ARHGEF10L: variants seen among roughly 807,000 people sequenced by gnomAD.
ARHGEF10L encodes Rho guanine nucleotide exchange factor 10 like.
In ARHGEF10L, 69 loss-of-function variants were observed where a neutral mutation model predicts 141.2. That is an observed-to-expected ratio of 0.49 (90% CI 0.40 to 0.60). The LOEUF (loss-of-function observed/expected upper bound fraction) is 0.60. Among genes scored for constraint, ARHGEF10L ranks in the 20% least tolerant of loss-of-function variants. The pLI is 0.00. For missense variants in ARHGEF10L, 1,482 were observed against 1,734.3 expected (o/e 0.85, Z 2.58); for synonymous variants, 711 against 718.5 (o/e 0.99, Z 0.17).
At chr1:17,666,790 C>A (rs1463064036) in intron 26 of ARHGEF10L, among the ~76,000 whole-genome samples, 88 of 142,902 alleles carry the variant, frequency 6.2e-4, no homozygotes, top group African/African-American at 2.1e-3. Context: ...TCCTGCTCTA[C>A]CCCAAGCCCA....
At position 17,601,981 on chromosome 1, in the gene ARHGEF10L, T is replaced by G. The variant is rs1204981501; in HGVS notation, c.258-146T>G. Reference sequence around the variant, plus strand: ...AAGATGAGGAGCCTGGGGGCTTGTCTGAGGCCAACTCCACCTCAGGTCTCC... The same window carrying G: ...AAGATGAGGAGCCTGGGGGCTTGTCGGAGGCCAACTCCACCTCAGGTCTCC... On this transcript the variant is annotated intron_variant, in intron 4 of 28. Coordinates refer to ENST00000361221, the MANE Select transcript of ARHGEF10L (RefSeq NM_018125.4). 4.5e-6 allele frequency: 3 copies of G among 668,910 alleles called. No individual in the cohort carries two copies. In the Admixed American group the frequency reaches 9.3e-5, roughly 21 times the overall value. 41.4% of individuals were successfully genotyped at this position (668,910 alleles called of 1,614,324 possible). A position where few individuals can be genotyped will look rare whatever the true frequency, so the allele number is the denominator to read the frequency against.
intron 4 of ARHGEF10L, among the ~76,000 whole-genome samples, chr1:17,599,212 T>C (rs1448798401): frequency 6.6e-6 from 1 of 152,026 alleles, no homozygotes; most frequent in Non-Finnish European, 1.5e-5. Context: ...GGCGCGTGCC[T>C]GTAGTCCCAT....
In ARHGEF10L at chr1:17,623,057, TG is replaced by T; in HGVS notation, c.1084del (p.Val362CysfsTer5). The T allele has an allele frequency of 6.2e-7, 1 of 1,613,824 alleles. No homozygotes were observed. Among genetic ancestry groups the T allele is most frequent in the East Asian group, 2.2e-5 (1 of 44,822 alleles). ...GCGCTGAGCGCCCGCAAGTGCCAGG[TG>T]GTGTTCTTCCGCGTGAAGGAGATCC... ...PKALSARKCQ[V>X]VFFRVKEILH... is the part of the protein sequence containing the mutation. On this transcript the variant is annotated frameshift_variant, in exon 12 of 29. Coordinates refer to ENST00000361221, the MANE Select transcript of ARHGEF10L (RefSeq NM_018125.4). LOFTEE classifies it high-confidence loss of function. This position sits in a 1 kb window ranked among gnomAD's most constrained non-coding sequence, Gnocchi z 4.7.
At chr1:17,527,401 G>A in the ARHGEF10L span, among the ~76,000 whole-genome samples, 1 of 152,198 alleles carries the variant, frequency 6.6e-6, no homozygotes, top group African/African-American at 2.4e-5. Context: ...ACAGCACCCA[G>A]GGAATGGGTT....
At position 17,603,591 on chromosome 1, in the gene ARHGEF10L, G is replaced by A. The variant is rs947378549; in HGVS notation, c.433G>A (p.Gly145Arg). 16 of 1,611,376 alleles carry A rather than the reference G, an allele frequency of 9.9e-6. No individual in the cohort carries two copies. Among genetic ancestry groups the A allele is most frequent in the East Asian group, 2.2e-5 (1 of 44,780 alleles). ...CGAGAGCCCAGATGCGCATCAGCCC[G>A]GTATGATGTCTGCAGTGCTTCCCTG... Reference protein sequence around the residue: ...PCESPDAHQPGAERNLLYEDA... With the variant: ...PCESPDAHQPRAERNLLYEDA... The change falls in exon 6 of 29, where the codon GGG (glycine) becomes AGG (arginine). Residue 145 changes from glycine to arginine, a missense_variant and splice_region_variant. Physicochemically the swap from Gly to Arg is moderately radical, Grantham distance 125. Transcript: ENST00000361221. The surrounding 1 kb of genome is among the most constrained non-coding windows in gnomAD (Gnocchi z 4.8).
chr1:17,619,417 C>G lies in ARHGEF10L; in HGVS notation c.914C>G (p.Pro305Arg). The stretch of plus-strand genomic sequence containing the variant: ...AAGCCCCCAGCCCCAGAGCTGGGCC[C>G]CATGCCAGAGGGCCTGAGCCCTCAG... ...DIKPPAPELG[P>R]MPEGLSPQQV... The change falls in exon 10 of 29, where the codon CCC becomes CGC. Residue 305 changes from proline to arginine, a missense_variant. Transcript: ENST00000361221. This position sits in a 1 kb window ranked among gnomAD's most constrained non-coding sequence, Gnocchi z 5.0. 1 of 1,611,288 alleles carries G rather than the reference C, an allele frequency of 6.2e-7. No homozygotes were observed. The highest frequency in any genetic ancestry group is 8.5e-7 in the Non-Finnish European group (1 of 1,179,176).
the ARHGEF10L span, among the ~76,000 whole-genome samples, chr1:17,521,824 C>A: frequency 6.6e-6 from 1 of 152,146 alleles, no homozygotes; most frequent in Non-Finnish European, 1.5e-5. Flanking sequence ...GGGGTCCTGC[C>A]TGTCATGGTG....
rs745426939 is a variant in ARHGEF10L, at chr1:17,697,338, G to A, written c.3798G>A (p.Thr1266=). ...GGAGGCAGGCCCCGTGTGGGGAGACGGACAGCACCCTCCTCATCTGGCAGG... is the reference window on the plus strand; with the variant it reads ...GGAGGCAGGCCCCGTGTGGGGAGACAGACAGCACCCTCCTCATCTGGCAGG... ...SSGRQAPCGE[T]DSTLLIWQVP... The change falls in exon 29 of 29, where the codon ACG becomes ACA. Residue 1266 remains threonine (T), a synonymous_variant. Coordinates refer to ENST00000361221, the MANE Select transcript of ARHGEF10L (RefSeq NM_018125.4). This position sits in a 1 kb window ranked among gnomAD's most constrained non-coding sequence, Gnocchi z 4.8. 30 of 1,608,354 alleles carry A rather than the reference G, an allele frequency of 1.9e-5. No homozygotes were observed. Among genetic ancestry groups the A allele is most frequent in the African/African-American group, 5.3e-5 (4 of 74,854 alleles).
chr1:17,637,667 T>A (rs142664889), intron 18 of ARHGEF10L, among the ~76,000 whole-genome samples: 6,978 of 152,102 alleles, frequency 0.046, 528 homozygotes, highest in African/African-American at 0.16. Context: ...CCCGGCTAAT[T>A]TTTTTCTTTG....
intron 1 of ARHGEF10L, among the ~76,000 whole-genome samples, chr1:17,552,841 A>C (rs2077167440): frequency 1.3e-5 from 2 of 152,120 alleles, no homozygotes; most frequent in Non-Finnish European, 2.9e-5. Flanking sequence ...CACAGCTAGT[A>C]AATGGCAGAA....
intron 21 of ARHGEF10L, among the ~76,000 whole-genome samples, chr1:17,642,242 C>T (rs1010545521): frequency 6.6e-6 from 1 of 152,132 alleles, no homozygotes; most frequent in Non-Finnish European, 1.5e-5. Flanking sequence ...TGGGGGACCC[C>T]TGAGGCGGGG....
chr1:17,623,419 T>C lies in ARHGEF10L; in HGVS notation c.1200+244T>C, dbSNP rs140400588. 2.2e-3 allele frequency among the ~76,000 whole-genome samples: 339 copies of C among 152,132 alleles called. 1 individual carries two copies. Among genetic ancestry groups the C allele is most frequent in the Middle Eastern group, 0.01 (3 of 294 alleles). On this transcript the variant is annotated intron_variant, in intron 12 of 28. Transcript: ENST00000361221. This position sits in a 1 kb window ranked among gnomAD's most constrained non-coding sequence, Gnocchi z 4.7. Reference sequence around the variant, plus strand: ...GATGAAGCCAGGTGGCTGTCCTGGCTCCTCCCAGGTGGCAGCACCCCCTGG... The same window carrying C: ...GATGAAGCCAGGTGGCTGTCCTGGCCCCTCCCAGGTGGCAGCACCCCCTGG...
chr1:17,634,177 C>T (rs947557031), intron 16 of ARHGEF10L: 38 of 343,686 alleles, frequency 1.1e-4, no homozygotes, highest in African/African-American at 5.7e-4. Flanking sequence ...CGTGTGGTGC[C>T]GGCGGTATGA....
At chr1:17,689,645 C>T in intron 27 of ARHGEF10L, 1 of 217,072 alleles carries the variant, frequency 4.6e-6, no homozygotes, top group Non-Finnish European at 8.9e-6. Context: ...TTTCTTGTTT[C>T]ATAGTATTTA....
At chr1:17,521,397 T>C in the ARHGEF10L span, among the ~76,000 whole-genome samples, 310 of 152,278 alleles carry the variant, frequency 2.0e-3, 1 homozygote, top group African/African-American at 7.1e-3. Context: ...GGTTTCTCCA[T>C]GTTGGTCAGG....
At position 17,671,005 on chromosome 1, in the gene ARHGEF10L, C is replaced by G. The variant is rs530960762; in HGVS notation, c.3009+6410C>G. Among the ~76,000 whole-genome samples, 7 of 152,386 alleles carry G rather than the reference C, an allele frequency of 4.6e-5. No homozygotes were observed. The South Asian group carries it at 1.4e-3, about 32-fold the overall frequency. ...CCCTTCATGGTCTCAGCACATCACC[C>G]GGCTTTATTGCCTTCAGAGTGTTGG... On this transcript the variant is annotated intron_variant, in intron 26 of 28. Coordinates refer to ENST00000361221, the MANE Select transcript of ARHGEF10L (RefSeq NM_018125.4).
chr1:17,640,554 A>G (rs563258487), intron 21 of ARHGEF10L, among the ~76,000 whole-genome samples: 1 of 152,292 alleles, frequency 6.6e-6, no homozygotes, highest in South Asian at 2.1e-4. Flanking sequence ...CTTGACAGAA[A>G]GTAAATTAGT....
At chr1:17,546,315 T>C (rs942300817) in intron 1 of ARHGEF10L, among the ~76,000 whole-genome samples, 13 of 152,326 alleles carry the variant, frequency 8.5e-5, no homozygotes, top group African/African-American at 3.1e-4. Context: ...CATTGCTAAT[T>C]GATACCAGAA....
intron 25 of ARHGEF10L, among the ~76,000 whole-genome samples, chr1:17,661,552 C>T (rs1444635198): frequency 6.6e-6 from 1 of 152,170 alleles, no homozygotes; most frequent in African/African-American, 2.4e-5. Flanking sequence ...GCTTCCACAG[C>T]GAGGCTCTGT....
Sources: allele counts gnomAD v4.1 joint callset (sites outside exome capture counted in the v4.1 genomes callset), GRCh38; gene constraint gnomAD v4.1.1; non-coding constraint Gnocchi (gnomAD v3.1); transcripts MANE v1.5; gene names NCBI Gene and HGNC (gene_info 2026-07-23, HGNC 2026-07-21).